Variants in DDR2 observed in about 807,000 individuals in gnomAD.
DDR2 encodes discoidin domain receptor tyrosine kinase 2, also known as discoidin domain-containing receptor 2.
DDR2 carries 27 observed loss-of-function variants against 94.9 expected under a neutral mutation model. The ratio of observed to expected loss-of-function variants is 0.28; its 90% CI spans 0.21 to 0.39. The LOEUF is 0.39. Ranked by LOEUF, DDR2 falls within the 10% of genes least tolerant of loss-of-function variation. DDR2 has a pLI of 1.00. For synonymous variants in DDR2, 382 were observed against 377.2 expected, an observed-to-expected ratio of 1.01 and a Z score of -0.15; for missense variants, 783 against 1,076.0, an observed-to-expected ratio of 0.73 and a Z score of 3.81.
intron 2 of DDR2, among the ~76,000 whole-genome samples, chr1:162,681,885 A>C (rs1452772605): frequency 3.9e-5 from 6 of 152,208 alleles, no homozygotes; most frequent in Non-Finnish European, 7.4e-5. Context: ...TCACAGCAGA[A>C]GGGAGCCATT....
intron 9 of DDR2, among the ~76,000 whole-genome samples, chr1:162,763,336 CTTTTTTTTTTTTTTTTTT>C (rs56323242): frequency 8.8e-5 from 5 of 56,500 alleles, no homozygotes; most frequent in African/African-American, 2.3e-4. Context: ...CCACGCCCGG[CTTTTTTTTTTTTTTTTTT>C]TTTTTTTTTT....
chr1:162,721,985 G>A (rs1000693802), intron 3 of DDR2, among the ~76,000 whole-genome samples: 2 of 152,284 alleles, frequency 1.3e-5, no homozygotes, highest in Admixed American at 6.5e-5. Flanking sequence ...TTCAGTATTA[G>A]CATGATTTAG....
At chr1:162,719,628 A>G (rs1395297913) in intron 3 of DDR2, among the ~76,000 whole-genome samples, 1 of 152,122 alleles carries the variant, frequency 6.6e-6, no homozygotes, top group East Asian at 1.9e-4. Flanking sequence ...CTAAAAATAG[A>G]TAGGTTAGGA....
chr1:162,763,336 C>CTTTTT (rs56323242), intron 9 of DDR2, among the ~76,000 whole-genome samples: 8 of 56,538 alleles, frequency 1.4e-4, no homozygotes, highest in African/African-American at 5.2e-4. Flanking sequence ...CCACGCCCGG[C>CTTTTT]TTTTTTTTTT....
chr1:162,693,639 G>C (rs781464416), intron 2 of DDR2, among the ~76,000 whole-genome samples: 1 of 152,138 alleles, frequency 6.6e-6, no homozygotes, highest in Non-Finnish European at 1.5e-5. Context: ...GGGGATAAGA[G>C]GATAAAGAAT....
chr1:162,729,304 T>A (rs71519241), intron 3 of DDR2, among the ~76,000 whole-genome samples: 13,111 of 69,268 alleles, frequency 0.19, 611 homozygotes, highest in East Asian at 0.33. Flanking sequence ...ATATATATTT[T>A]TTTTTTTTTT....
chr1:162,677,701 C>T (rs1025294099), intron 2 of DDR2, among the ~76,000 whole-genome samples: 2 of 152,174 alleles, frequency 1.3e-5, no homozygotes, highest in Admixed American at 6.5e-5. Context: ...GCAACCCTCA[C>T]CTGGGAACCA....
chr1:162,708,885 G>A (rs894784258), intron 2 of DDR2, among the ~76,000 whole-genome samples: 1 of 152,182 alleles, frequency 6.6e-6, no homozygotes, highest in Non-Finnish European at 1.5e-5. Context: ...ATGGCTAGGG[G>A]TGGCATGCTT....
At chr1:162,681,418 A>G (rs1659391065) in intron 2 of DDR2, among the ~76,000 whole-genome samples, 1 of 152,210 alleles carries the variant, frequency 6.6e-6, no homozygotes, top group South Asian at 2.1e-4. Flanking sequence ...TTCATTAATT[A>G]GGCCACTCAG....
At chr1:162,650,455 G>GT (rs1229276366) in intron 1 of DDR2, among the ~76,000 whole-genome samples, 1 of 152,018 alleles carries the variant, frequency 6.6e-6, no homozygotes, top group African/African-American at 2.4e-5. Context: ...AATTAGCAGG[G>GT]TAGGGTGGTG....
At chr1:162,697,645 G>C (rs950328547) in intron 2 of DDR2, among the ~76,000 whole-genome samples, 1 of 152,150 alleles carries the variant, frequency 6.6e-6, no homozygotes, top group Non-Finnish European at 1.5e-5. Flanking sequence ...TACGAAATGA[G>C]ACCAGCTCCA....
chr1:162,656,887 G>A (rs913552493), intron 2 of DDR2, among the ~76,000 whole-genome samples: 1 of 113,530 alleles, frequency 8.8e-6, no homozygotes, highest in Middle Eastern at 0.011. Flanking sequence ...TGTCACCCAG[G>A]CTGGAGAGTA....
intron 2 of DDR2, among the ~76,000 whole-genome samples, chr1:162,705,868 G>A (rs1660637057): frequency 6.6e-6 from 1 of 152,198 alleles, no homozygotes; most frequent in African/African-American, 2.4e-5. Flanking sequence ...CACACTGCCT[G>A]ATACATAATA....
At chr1:162,751,661 G>C (rs1466449001) in intron 3 of DDR2, among the ~76,000 whole-genome samples, 3 of 152,170 alleles carry the variant, frequency 2.0e-5, no homozygotes, top group Non-Finnish European at 4.4e-5. Flanking sequence ...ACACCCAAAG[G>C]ATTATAAATC....
intron 1 of DDR2, among the ~76,000 whole-genome samples, chr1:162,642,257 T>C (rs950347373): frequency 6.6e-6 from 1 of 151,828 alleles, no homozygotes; most frequent in African/African-American, 2.4e-5. Flanking sequence ...ATGCCTGGCC[T>C]ATTTTATTTA....
At chr1:162,709,641 G>A (rs886075955) in intron 2 of DDR2, among the ~76,000 whole-genome samples, 8 of 152,334 alleles carry the variant, frequency 5.3e-5, no homozygotes, top group African/African-American at 1.7e-4. Flanking sequence ...GCCCAGTAAT[G>A]TGGAAAGATG....
At chr1:162,778,783 G>A (rs2102207720) in intron 17 of DDR2, 54 bp downstream of exon 17, 2 of 1,611,962 alleles carry the variant, frequency 1.2e-6, no homozygotes, top group Non-Finnish European at 1.7e-6. Context: ...GAAGGATGGA[G>A]AATGGCAAGT....
chr1:162,636,339 T>A (rs1656816306), intron 1 of DDR2, among the ~76,000 whole-genome samples: 1 of 152,172 alleles, frequency 6.6e-6, no homozygotes, highest in Admixed American at 6.5e-5. Flanking sequence ...AAACATGGGT[T>A]TGGACTCACT....
intron 2 of DDR2, among the ~76,000 whole-genome samples, chr1:162,678,350 G>T (rs1472323052): frequency 6.6e-6 from 1 of 152,182 alleles, no homozygotes; most frequent in Non-Finnish European, 1.5e-5. Flanking sequence ...AATGTATGTG[G>T]AGTGTTAAAA....
Sources: gnomAD v4.1 joint callset for allele counts (sites outside exome capture counted in the v4.1 genomes callset) on GRCh38, gnomAD v4.1.1 for gene constraint, MANE v1.5 for transcripts, NCBI Gene and HGNC (gene_info 2026-07-23, HGNC 2026-07-21) for gene names.